RGL1: variants seen among roughly 807,000 people sequenced by gnomAD.
RGL1 encodes the protein ral guanine nucleotide dissociation stimulator like 1.
A neutral mutation model predicts 95.2 loss-of-function variants in RGL1; 24 were observed. The ratio of observed to expected loss-of-function variants is 0.25; its 90% confidence interval spans 0.18 to 0.35. RGL1 has a LOEUF of 0.35. Among genes scored for constraint, RGL1 ranks in the 10% least tolerant of loss-of-function variants. The pLI is 1.00. For missense variants in RGL1, 715 were observed against 936.3 expected (o/e 0.76, Z 3.08); for synonymous variants, 329 against 344.9 (o/e 0.95, Z 0.51).
In RGL1 at chr1:183,726,466, A is replaced by G. The variant is rs574118059; in HGVS notation, c.-32-15660A>G. Among the ~76,000 whole-genome samples, 11 of 152,224 alleles carry G rather than the reference A, an allele frequency of 7.2e-5. No homozygotes were observed. The East Asian group carries it at 2.1e-3, about 29-fold the overall frequency. On this transcript the variant is annotated intron_variant, in intron 1 of 18. Transcript: ENST00000304685. ...ACATCTCTAAGATTCTTTATATACT[A>G]AATGTCTATAATTAAGGGAATATTA...
chr1:183,811,045 T>C (rs1661675937), intron 2 of RGL1, among the ~76,000 whole-genome samples: 1 of 152,190 alleles, frequency 6.6e-6, no homozygotes, highest in Non-Finnish European at 1.5e-5. Context: ...CTAATATTGT[T>C]TTTATAAGTA....
intron 2 of RGL1, among the ~76,000 whole-genome samples, chr1:183,785,258 T>A (rs1316424547): frequency 2.0e-5 from 3 of 152,230 alleles, no homozygotes; most frequent in Non-Finnish European, 2.9e-5. Flanking sequence ...CCTTCAGGTG[T>A]ATCAAACTAT....
chr1:183,891,966 T>G, intron 8 of RGL1, 111 bp from the exon 9 acceptor site: 12 of 729,896 alleles, frequency 1.6e-5, no homozygotes, highest in East Asian at 5.4e-5. Context: ...CCACCAACCC[T>G]GAGATCAGCA....
intron 2 of RGL1, 78 bp downstream of exon 2, chr1:183,806,563 A>G: frequency 1.0e-6 from 1 of 1,004,322 alleles, no homozygotes; most frequent in Non-Finnish European, 1.5e-6. Context: ...TATTTAACAG[A>G]GGCAGGCTTT....
intron 1 of RGL1, among the ~76,000 whole-genome samples, chr1:183,728,704 G>T (rs1403607595): frequency 1.3e-5 from 2 of 152,226 alleles, no homozygotes; most frequent in East Asian, 3.9e-4. Context: ...AAAGAACAAA[G>T]TTAGAACACT....
intron 3 of RGL1, among the ~76,000 whole-genome samples, chr1:183,858,786 C>G (rs901553934): frequency 9.9e-5 from 15 of 152,150 alleles, no homozygotes; most frequent in African/African-American, 3.4e-4. Flanking sequence ...CTAAAGCTAA[C>G]AGTAAGCACC....
intron 7 of RGL1, among the ~76,000 whole-genome samples, chr1:183,886,388 T>C (rs1177517180): frequency 6.6e-6 from 1 of 152,148 alleles, no homozygotes; most frequent in East Asian, 1.9e-4. Flanking sequence ...TTTTTTAGAA[T>C]GATAAGGAAT....
intron 3 of RGL1, among the ~76,000 whole-genome samples, chr1:183,852,510 A>ACACT (rs780875763): frequency 1.3e-5 from 2 of 152,150 alleles, no homozygotes; most frequent in Non-Finnish European, 2.9e-5. Context: ...CTTCAAACAT[A>ACACT]CACTCACTCA....
intron 1 of RGL1, among the ~76,000 whole-genome samples, chr1:183,702,420 GC>G (rs1215447600): frequency 1.5e-4 from 23 of 152,108 alleles, no homozygotes; most frequent in Non-Finnish European, 2.9e-5. Context: ...AGTTAATAAG[GC>G]TTTATTTCCT....
At chr1:183,773,270 C>A (rs185825985) in intron 2 of RGL1, among the ~76,000 whole-genome samples, 1 of 151,930 alleles carries the variant, frequency 6.6e-6, no homozygotes, top group Admixed American at 6.6e-5. Context: ...GTACACTTAT[C>A]ACATTATATG....
At chr1:183,865,904 G>C (rs1665800391) in intron 3 of RGL1, 92 bp from the exon 4 acceptor site, 1 of 846,914 alleles carries the variant, frequency 1.2e-6, no homozygotes, top group African/African-American at 1.7e-5. Flanking sequence ...CTTCTGAAAA[G>C]TATAACTGTC....
intron 1 of RGL1, among the ~76,000 whole-genome samples, chr1:183,707,056 G>GAGC (rs984556196): frequency 6.6e-6 from 1 of 152,148 alleles, no homozygotes. Flanking sequence ...ACTGCTTTAT[G>GAGC]AGCACCCTTT....
chr1:183,862,052 G>A (rs1665541625), intron 3 of RGL1, among the ~76,000 whole-genome samples: 1 of 152,176 alleles, frequency 6.6e-6, no homozygotes. Flanking sequence ...TAAGAAAGGT[G>A]CAGGGATGGC....
At chr1:183,803,101 G>C (rs554950610), upstream of RGL1, among the ~76,000 whole-genome samples, 1 of 152,150 alleles carries the variant, frequency 6.6e-6, no homozygotes, top group Non-Finnish European at 1.5e-5. Context: ...AACAGCATTT[G>C]TACAAAATTA....
intron 1 of RGL1, among the ~76,000 whole-genome samples, chr1:183,682,864 C>T (rs1277955354): frequency 2.6e-5 from 4 of 152,004 alleles, no homozygotes; most frequent in Middle Eastern, 3.2e-3. Context: ...GTATTGGGTG[C>T]GTATATATTT....
intron 1 of RGL1, among the ~76,000 whole-genome samples, chr1:183,664,619 T>C (rs1338765525): frequency 6.6e-6 from 1 of 151,836 alleles, no homozygotes; most frequent in Non-Finnish European, 1.5e-5. Flanking sequence ...CATCCTACTT[T>C]TTGAGCAAAA....
At chr1:183,681,942 A>G (rs896903398) in intron 1 of RGL1, among the ~76,000 whole-genome samples, 4 of 152,058 alleles carry the variant, frequency 2.6e-5, no homozygotes, top group African/African-American at 9.7e-5. Flanking sequence ...TAGATTTTCT[A>G]GTTTATTTGT....
intron 1 of RGL1, among the ~76,000 whole-genome samples, chr1:183,735,753 C>T (rs1217007575): frequency 6.6e-6 from 1 of 152,170 alleles, no homozygotes; most frequent in African/African-American, 2.4e-5. Flanking sequence ...AGGAATCTGT[C>T]TCTCTGCTGT....
chr1:183,661,083 T>C (rs1392595826), intron 1 of RGL1, among the ~76,000 whole-genome samples: 1 of 151,932 alleles, frequency 6.6e-6, no homozygotes, highest in East Asian at 1.9e-4. Flanking sequence ...TTTATAGCAC[T>C]AAATGCCCAC....
Sources: allele counts gnomAD v4.1 joint callset (sites outside exome capture counted in the v4.1 genomes callset), GRCh38; gene constraint gnomAD v4.1.1; transcripts MANE v1.5; gene names NCBI Gene and HGNC (gene_info 2026-07-23, HGNC 2026-07-21).